Variants in C5 observed in about 807,000 individuals in gnomAD.
C5 encodes the protein complement C5, also known as C3 and PZP-like alpha-2-macroglobulin domain-containing protein 4.
A neutral mutation model predicts 218.8 loss-of-function variants in C5; 140 were observed. That is an observed-to-expected ratio of 0.64 (90% CI 0.56 to 0.74). The LOEUF is 0.74. C5 is among the 30% of genes least tolerant of loss of function. C5 has a pLI of 0.00. For synonymous variants in C5, 614 were observed against 682.3 expected (o/e 0.90, Z 1.56); for missense variants, 1,700 against 1,969.6 (o/e 0.86, Z 2.59).
At chr9:121,027,781 TG>T (rs2047437630) in intron 7 of C5, among the ~76,000 whole-genome samples, 1 of 152,138 alleles carries the variant, frequency 6.6e-6, no homozygotes, top group African/African-American at 2.4e-5. Flanking sequence ...GACATAGGCA[TG>T]GGCAAGGATT....
At chr9:120,992,345 C>CA (rs575786195) in intron 22 of C5, among the ~76,000 whole-genome samples, 98 of 152,278 alleles carry the variant, frequency 6.4e-4, no homozygotes, top group African/African-American at 2.3e-3. Context: ...GCATGAAGTT[C>CA]AAAAAGAGCT....
At chr9:121,063,421 T>G in the C5 span, among the ~76,000 whole-genome samples, 1 of 152,086 alleles carries the variant, frequency 6.6e-6, no homozygotes, top group Non-Finnish European at 1.5e-5. Context: ...ACGTAGCTCT[T>G]ACACTTCTCT....
rs553891244 is a variant in C5, at chr9:120,973,568, A to G, written c.4017+1211T>C. Among the ~76,000 whole-genome samples the G allele has an allele frequency of 3.3e-5, 5 of 152,348 alleles. No individual in the cohort carries two copies. The East Asian group carries it at 9.6e-4, about 29-fold the overall frequency. ...TTTGGTTTATCAAGGGAAGTTGGGA[A>G]TCAGGTTTTTATTTGAAATATCTGG... On this transcript the variant is annotated intron_variant, in intron 30 of 40. Transcript: ENST00000223642.
At chr9:121,040,005 T>G (rs1226583456) in intron 3 of C5, among the ~76,000 whole-genome samples, 1 of 152,192 alleles carries the variant, frequency 6.6e-6, no homozygotes, top group Non-Finnish European at 1.5e-5. Context: ...AAATCAGACA[T>G]GGACATCTTT....
intron 33 of C5, among the ~76,000 whole-genome samples, chr9:120,966,695 C>T (rs762684757): frequency 2.0e-5 from 3 of 152,092 alleles, no homozygotes; most frequent in Non-Finnish European, 2.9e-5. Flanking sequence ...AAGAAGCTGC[C>T]TGGGAAAGGG....
chr9:120,982,599 G>T, intron 26 of C5, 56 bp downstream of exon 26: 1 of 1,338,046 alleles, frequency 7.5e-7, no homozygotes, highest in South Asian at 1.2e-5. Flanking sequence ...AATCAGATGA[G>T]AATAAAACTC....
intron 7 of C5, among the ~76,000 whole-genome samples, chr9:121,028,395 G>T (rs934131411): frequency 6.6e-6 from 1 of 152,162 alleles, no homozygotes; most frequent in African/African-American, 2.4e-5. Flanking sequence ...ACATGCACAC[G>T]TATGTTTACT....
At position 120,953,096 on chromosome 9, in the gene C5, T is replaced by C. The variant is rs1392978062; in HGVS notation, c.4902-228A>G. Among the ~76,000 whole-genome samples the C allele has an allele frequency of 2.0e-5, 3 of 152,196 alleles. No individual in the cohort carries two copies. The East Asian group carries it at 5.8e-4, about 29-fold the overall frequency. On this transcript the variant is annotated intron_variant, in intron 40 of 40. Transcript: ENST00000223642. ...CTGCCACCACGCCCGGCTATTTTTT[T>C]TGTATTTTTAGTAGAGACGGGGTTT...
intron 32 of C5, 31 bp from the exon 33 acceptor site, chr9:120,969,149 A>T: frequency 6.3e-7 from 1 of 1,591,042 alleles, no homozygotes; most frequent in South Asian, 1.1e-5. Context: ...ACAAACAGAC[A>T]AATATAAGAG....
chr9:121,013,318 G>GGGAAAA (rs775252391), intron 17 of C5, among the ~76,000 whole-genome samples: 5 of 99,252 alleles, frequency 5.0e-5, no homozygotes, highest in Non-Finnish European at 8.3e-5. Context: ...GATTCCTACT[G>GGGAAAA]AAAAAAAAAA....
intron 5 of C5, among the ~76,000 whole-genome samples, chr9:121,034,549 T>C (rs535507145): frequency 1.3e-5 from 2 of 152,350 alleles, no homozygotes; most frequent in African/African-American, 4.8e-5. Flanking sequence ...GTTGATGTTT[T>C]TTATGACAAA....
chr9:120,982,889 T>G (rs2047005662), intron 25 of C5, 75 bp from the exon 26 acceptor site: 1 of 816,872 alleles, frequency 1.2e-6, no homozygotes, highest in Non-Finnish European at 1.9e-6. Flanking sequence ...TTATACAACT[T>G]TATTCTTTAA....
rs747927495 is a variant in C5 at position 120,970,162 on chromosome 9, G to A, written c.4162+8C>T. Reference sequence around the variant, plus strand: ...CCAAAATTACAGCGTAAATCCTGCTGTTTTTACCTTCAATATCCTGAGTAT... The same window carrying A: ...CCAAAATTACAGCGTAAATCCTGCTATTTTTACCTTCAATATCCTGAGTAT... On this transcript the variant is annotated splice_region_variant and intron_variant, in intron 32 of 40. Transcript: ENST00000223642. 1.3e-6 allele frequency: 2 copies of A among 1,596,180 alleles called. No homozygotes were observed. The highest frequency in any genetic ancestry group is 1.7e-6 in the Non-Finnish European group (2 of 1,163,932).
At chr9:120,994,021 G>A (rs1409922564) in intron 22 of C5, among the ~76,000 whole-genome samples, 1 of 152,088 alleles carries the variant, frequency 6.6e-6, no homozygotes, top group Admixed American at 6.5e-5. Context: ...GATATGAGAC[G>A]AGTTGGGAGA....
intron 37 of C5, among the ~76,000 whole-genome samples, 157 bp downstream of exon 37, chr9:120,961,325 A>C (rs2046825640): frequency 6.6e-6 from 1 of 152,240 alleles, no homozygotes; most frequent in Non-Finnish European, 1.5e-5. Context: ...ATGTAGTTTT[A>C]CAATGCTCAA....
chr9:121,072,336 C>T, the C5 span, among the ~76,000 whole-genome samples: 8 of 152,178 alleles, frequency 5.3e-5, no homozygotes, highest in South Asian at 6.2e-4. Context: ...ATAATGGATC[C>T]CACGTGAATA....
At chr9:121,023,564 A>G (rs758949796) in intron 9 of C5, 45 bp from the exon 10 acceptor site, 59 of 1,011,420 alleles carry the variant, frequency 5.8e-5, no homozygotes, top group Non-Finnish European at 7.5e-5. Flanking sequence ...TAGGAGTATC[A>G]TGATCTGTAT....
At position 121,016,247 on chromosome 9, in the gene C5, A is replaced by C. The variant is rs2047305802; in HGVS notation, c.1996+7T>G. 6.2e-7 allele frequency: 1 copy of C among 1,613,922 alleles called. No homozygotes were observed. Among genetic ancestry groups the C allele is most frequent in the Non-Finnish European group, 8.5e-7 (1 of 1,179,840 alleles). Reference sequence around the variant, plus strand: ...ATTTTCAGTAATAAACATGCTGAGCATTTTACCATTTTCTTGGGAGTCATC... The same window carrying C: ...ATTTTCAGTAATAAACATGCTGAGCCTTTTACCATTTTCTTGGGAGTCATC... On this transcript the variant is annotated splice_region_variant and intron_variant, in intron 15 of 40. Coordinates refer to ENST00000223642, the MANE Select transcript of C5 (RefSeq NM_001735.3).
At position 120,962,663 on chromosome 9, in the gene C5, T is replaced by C. The variant is rs369606211; in HGVS notation, c.4504+8A>G. On this transcript the variant is annotated splice_region_variant and intron_variant, in intron 36 of 40. Coordinates refer to ENST00000223642, the MANE Select transcript of C5 (RefSeq NM_001735.3). ...CTTCTGAAGAAATGTTAGCATGGAG[T>C]TGATTACCTGGTCTGTGGTATTCGT... The C allele has an allele frequency of 3.8e-6, 6 of 1,572,814 alleles. No individual in the cohort carries two copies. Among genetic ancestry groups the C allele is most frequent in the Non-Finnish European group, 5.3e-6 (6 of 1,142,392 alleles).
Sources: gnomAD v4.1 joint callset for allele counts (sites outside exome capture counted in the v4.1 genomes callset) on GRCh38, gnomAD v4.1.1 for gene constraint, MANE v1.5 for transcripts, NCBI Gene and HGNC (gene_info 2026-07-23, HGNC 2026-07-21) for gene names.